The following AP3M1 variants were observed in gnomAD, a reference collection of about 807,000 sequenced individuals.
AP3M1 encodes the protein AP-3 complex subunit mu-1.
In AP3M1, 29 loss-of-function variants were observed where a neutral mutation model predicts 42.6. That is an observed-to-expected ratio of 0.68 (90% CI 0.51 to 0.93). AP3M1 has a LOEUF of 0.93. AP3M1 is among the 40% of genes least tolerant of loss of function. AP3M1 has a pLI of 0.00. For missense variants in AP3M1, 416 were observed against 510.2 expected (o/e 0.82, Z 1.78); for synonymous variants, 178 against 175.3 (o/e 1.02, Z -0.12).
intron 1 of AP3M1, among the ~76,000 whole-genome samples, chr10:74,140,930 A>G (rs992394928): frequency 6.6e-6 from 1 of 152,218 alleles, no homozygotes; most frequent in African/African-American, 2.4e-5. Context: ...TAGAAAAAAT[A>G]TGCATAGATT....
rs767056023 is a variant in AP3M1 at position 74,138,331 on chromosome 10, C to T, written c.49G>A (p.Glu17Lys). 3 of 1,614,130 alleles carry T rather than the reference C, an allele frequency of 1.9e-6. No individual in the cohort carries two copies. Among genetic ancestry groups the T allele is most frequent in the Non-Finnish European group, 2.5e-6 (3 of 1,180,012 alleles). ...LINCSGDIFL[E>K]KHWKSVVSQS... ...CTCACAACGCTCTTCCAGTGCTTCTCTAGAAATATGTCACCGGAACAGTTT... is the reference window on the plus strand; with the variant it reads ...CTCACAACGCTCTTCCAGTGCTTCTTTAGAAATATGTCACCGGAACAGTTT... The change falls in exon 2 of 9, where the codon GAG (glutamate) becomes AAG (lysine). Residue 17 changes from glutamate (E) to lysine (K), a missense_variant. By Grantham distance (56) the Glu-to-Lys change is moderately conservative. Transcript: ENST00000355264.
intron 1 of AP3M1, 98 bp from the exon 2 acceptor site, chr10:74,138,480 A>C: frequency 9.1e-7 from 1 of 1,098,710 alleles, no homozygotes; most frequent in South Asian, 1.6e-5. Flanking sequence ...ATTTATTCTA[A>C]GAATGCAAGG....
At chr10:74,147,979 A>G (rs1319126334) in intron 1 of AP3M1, among the ~76,000 whole-genome samples, 2 of 152,074 alleles carry the variant, frequency 1.3e-5, no homozygotes, top group Non-Finnish European at 2.9e-5. Context: ...CCTGGGCGAC[A>G]AGAGCAAGAC....
At chr10:74,143,185 T>C (rs1450482647) in intron 1 of AP3M1, among the ~76,000 whole-genome samples, 1 of 152,188 alleles carries the variant, frequency 6.6e-6, no homozygotes, top group African/African-American at 2.4e-5. Flanking sequence ...ACCCTGTCTC[T>C]ACTAAAAATA....
rs148191205 is a variant in AP3M1, at chr10:74,136,765, A to G, written c.312T>C (p.Asp104=). 7.7e-6 allele frequency: 12 copies of G among 1,552,354 alleles called. No individual in the cohort carries two copies. The African/African-American group carries it at 1.4e-4, about 17-fold the overall frequency. The change falls in exon 3 of 9, where the codon GAT becomes GAC. Residue 104 remains aspartate, a synonymous_variant. Transcript: ENST00000355264. ...FGECSEAAIK[D]NVVIVYELLE... ...AGAGTTCATATACTATGACCACATT[A>G]TCCTTAATTGCAGCCTCTGAACACT...
chr10:74,150,815 G>A lies in AP3M1; in HGVS notation c.-64C>T, dbSNP rs939573018. The A allele has an allele frequency of 1.1e-5, 2 of 184,196 alleles. No homozygotes were observed. The highest frequency in any genetic ancestry group is 2.4e-5 in the Non-Finnish European group (2 of 84,920). The allele number at this position is 184,196 out of a possible 1,614,324, so 11.4% of individuals were successfully genotyped here. On this transcript the variant is annotated 5_prime_UTR_variant, in exon 1 of 9. Coordinates refer to ENST00000355264, the MANE Select transcript of AP3M1 (RefSeq NM_012095.6). ...ATCCTCTCCTACCGAAGCTGGAGAA[G>A]CCGAGAAGGCCGCGAGGACCCGCAG...
chr10:74,129,210 T>C lies in AP3M1; in HGVS notation c.701A>G (p.His234Arg). 3 of 1,613,868 alleles carry C rather than the reference T, an allele frequency of 1.9e-6. No individual in the cohort carries two copies. The highest frequency in any genetic ancestry group is 2.5e-6 in the Non-Finnish European group (3 of 1,179,952). Residue 234 changes from histidine (H) to arginine (R), a missense_variant, in exon 6 of 9, where the codon CAC (histidine) becomes CGC (arginine). His to Arg is a conservative substitution (Grantham distance 29, BLOSUM62 0). Transcript: ENST00000355264. ...NPRLLDDVSFHPCIRFKRWES... is the reference protein window; with the variant it reads ...NPRLLDDVSFRPCIRFKRWES... ...CCAACGCTTGAACCGGATGCAGGGG[T>C]GAAAGCTGACATCATCCAGAAGCCT... is the stretch of plus-strand genomic sequence containing the variant.
chr10:74,124,439 T>A lies in AP3M1; in HGVS notation c.1097A>T (p.Lys366Ile), dbSNP rs772375852. The change falls in exon 8 of 9, where the codon AAA (lysine) becomes ATA (isoleucine). Residue 366 changes from lysine to isoleucine, a missense_variant. Lys to Ile is a moderately radical substitution (Grantham distance 102). Coordinates refer to ENST00000355264, the MANE Select transcript of AP3M1 (RefSeq NM_012095.6). ...GTTGAGGCTCGGATTCTCTTCTGGT[T>A]TGGGGGCTCCAGACTGTAAATTTAC... is the stretch of plus-strand genomic sequence containing the variant. ...GLVNLQSGAPKPEENPSLNIQ... is the reference protein window; with the variant it reads ...GLVNLQSGAPIPEENPSLNIQ... 6.2e-7 allele frequency: 1 copy of A among 1,613,834 alleles called. No individual in the cohort carries two copies. The highest frequency in any genetic ancestry group is 8.5e-7 in the Non-Finnish European group (1 of 1,179,884).
At chr10:74,133,945 G>A (rs1253345548) in intron 4 of AP3M1, 82 bp downstream of exon 4, 29 of 1,546,860 alleles carry the variant, frequency 1.9e-5, no homozygotes, top group Middle Eastern at 3.8e-4. Flanking sequence ...GAGCCACCGC[G>A]CCCGGCCAGG....
At chr10:74,125,202 C>T (rs1458227548) in intron 7 of AP3M1, among the ~76,000 whole-genome samples, 1 of 152,246 alleles carries the variant, frequency 6.6e-6, no homozygotes, top group Non-Finnish European at 1.5e-5. Flanking sequence ...TGGTCTCGAA[C>T]TCCTGACCTC....
chr10:74,135,435 T>C (rs1840913113), intron 3 of AP3M1, among the ~76,000 whole-genome samples: 1 of 152,192 alleles, frequency 6.6e-6, no homozygotes, highest in African/African-American at 2.4e-5. Flanking sequence ...AACTTTGTAA[T>C]ACACTATCTA....
At chr10:74,149,488 C>G (rs1841467167) in intron 1 of AP3M1, among the ~76,000 whole-genome samples, 1 of 151,688 alleles carries the variant, frequency 6.6e-6, no homozygotes, top group Non-Finnish European at 1.5e-5. Context: ...CAGGGTTTCA[C>G]TATGTTGGCC....
chr10:74,138,350 A>C lies in AP3M1; in HGVS notation c.30T>G (p.Cys10Trp), dbSNP rs1178581186. 1 of 1,614,064 alleles carries C rather than the reference A, an allele frequency of 6.2e-7. No individual in the cohort carries two copies. Among genetic ancestry groups the C allele is most frequent in the Non-Finnish European group, 8.5e-7 (1 of 1,180,018 alleles). The change falls in exon 2 of 9, where the codon TGT becomes TGG. Residue 10 changes from cysteine (C) to tryptophan (W), a missense_variant. Physicochemically the swap from Cys to Trp is radical, Grantham distance 215. Transcript: ENST00000355264. The stretch of plus-strand genomic sequence containing the variant: ...GCTTCTCTAGAAATATGTCACCGGA[A>C]CAGTTTATGAGAAATAGACTGTGGA... MIHSLFLIN[C>W]SGDIFLEKHW...
chr10:74,138,025 TG>T, intron 2 of AP3M1, 81 bp downstream of exon 2: 1 of 1,404,046 alleles, frequency 7.1e-7, no homozygotes, highest in Non-Finnish European at 9.6e-7. Flanking sequence ...CATCAAAACC[TG>T]GGTAATTAAA....
chr10:74,122,209 G>A lies in AP3M1; in HGVS notation c.*1601C>T, dbSNP rs1564539952. ...CAAAACGTTGCCTTTCTTATTCCAT[G>A]AAAGGCAGGGCAGGCAAAGGTAAGA... On this transcript the variant is annotated 3_prime_UTR_variant, in exon 9 of 9. Transcript: ENST00000355264. 2 of 152,116 alleles carry A rather than the reference G, an allele frequency of 1.3e-5. No individual in the cohort carries two copies. The highest frequency in any genetic ancestry group is 4.8e-5 in the African/African-American group (2 of 41,422). The allele number at this position is 152,116 out of a possible 1,614,324, so 9.4% of individuals were successfully genotyped here. A position where few individuals can be genotyped will look rare whatever the true frequency, so the allele number is the denominator to read the frequency against.
chr10:74,121,529 G>A lies in AP3M1; in HGVS notation c.*2281C>T, dbSNP rs1840459826. On this transcript the variant is annotated 3_prime_UTR_variant, in exon 9 of 9. Coordinates refer to ENST00000355264, the MANE Select transcript of AP3M1 (RefSeq NM_012095.6). ...GTAGGTGGTGGTAGTGATAGGGAAG[G>A]GAGCTTTGATCACTAATCTCTCAGA... 1 of 152,200 alleles carries A rather than the reference G, an allele frequency of 6.6e-6. No individual in the cohort carries two copies. Among genetic ancestry groups the A allele is most frequent in the Non-Finnish European group, 1.5e-5 (1 of 68,026 alleles). 9.4% of individuals were successfully genotyped at this position (152,200 alleles called of 1,614,324 possible).
chr10:74,142,341 G>T (rs1369438761), intron 1 of AP3M1, among the ~76,000 whole-genome samples: 1 of 152,056 alleles, frequency 6.6e-6, no homozygotes, highest in African/African-American at 2.4e-5. Flanking sequence ...ATTCCAAAGA[G>T]GAAAGGAAGA....
At chr10:74,140,742 C>G (rs1444320873) in intron 1 of AP3M1, among the ~76,000 whole-genome samples, 1 of 152,116 alleles carries the variant, frequency 6.6e-6, no homozygotes. Context: ...CATTTATGGT[C>G]AACTGATTTT....
intron 6 of AP3M1, among the ~76,000 whole-genome samples, chr10:74,127,126 G>A (rs1161574461): frequency 6.6e-6 from 1 of 152,008 alleles, no homozygotes; most frequent in Admixed American, 6.6e-5. Context: ...ACAGGAGGAT[G>A]TGCATAGGTT....
Sources: allele counts gnomAD v4.1 joint callset (sites outside exome capture counted in the v4.1 genomes callset), GRCh38; gene constraint gnomAD v4.1.1; transcripts MANE v1.5; gene names NCBI Gene and HGNC (gene_info 2026-07-23, HGNC 2026-07-21).